The following AHCYL2 variants were observed in gnomAD, a reference collection of about 807,000 sequenced individuals.
AHCYL2 encodes the protein adenosylhomocysteinase like 2.
A neutral mutation model predicts 81.4 loss-of-function variants in AHCYL2; 28 were observed. That is an observed-to-expected ratio of 0.34 (90% CI 0.25 to 0.47). The LOEUF is 0.47. AHCYL2 is among the 20% of genes least tolerant of loss of function. AHCYL2 has a pLI of 1.00. For missense variants in AHCYL2, 551 were observed against 785.1 expected, an observed-to-expected ratio of 0.70 and a Z score of 3.56; for synonymous variants, 272 against 290.2, an observed-to-expected ratio of 0.94 and a Z score of 0.64.
At chr7:129,277,424 C>T (rs928496272) in intron 1 of AHCYL2, among the ~76,000 whole-genome samples, 1 of 151,918 alleles carries the variant, frequency 6.6e-6, no homozygotes, top group Non-Finnish European at 1.5e-5. Flanking sequence ...ATTACAGGTG[C>T]GCACCACCAC....
intron 2 of AHCYL2, among the ~76,000 whole-genome samples, chr7:129,387,555 T>C (rs1489188835): frequency 6.6e-6 from 1 of 152,274 alleles, no homozygotes; most frequent in Non-Finnish European, 1.5e-5. Context: ...TCTTCAAAAG[T>C]AATTTTCCAT....
Position 129,368,353 on chromosome 7 carries a change from A to G in AHCYL2, c.364-11285A>G. On this transcript the variant is annotated intron_variant, in intron 1 of 16. Transcript: ENST00000325006. This position sits in a 1 kb window ranked among gnomAD's most constrained non-coding sequence, Gnocchi z 4.4. Reference sequence around the variant, plus strand: ...TGATTTGAATCGGAGGCTGCTGTGAAAAGGGATGCAGCTTCTGCTAGCCAC... The same window carrying G: ...TGATTTGAATCGGAGGCTGCTGTGAGAAGGGATGCAGCTTCTGCTAGCCAC... 2 of 1,483,408 alleles carry G rather than the reference A, an allele frequency of 1.3e-6. No homozygotes were observed. Among genetic ancestry groups the G allele is most frequent in the Non-Finnish European group, 1.8e-6 (2 of 1,116,622 alleles). 91.9% of individuals were successfully genotyped at this position (1,483,408 alleles called of 1,614,324 possible).
At chr7:129,397,499 T>G (rs1795802222) in intron 5 of AHCYL2, among the ~76,000 whole-genome samples, 175 bp downstream of exon 5, 1 of 152,260 alleles carries the variant, frequency 6.6e-6, no homozygotes, top group African/African-American at 2.4e-5. Context: ...AAATATGATC[T>G]AGTTAACTTT....
chr7:129,324,958 T>C (rs1442790818), intron 1 of AHCYL2, among the ~76,000 whole-genome samples: 1 of 152,240 alleles, frequency 6.6e-6, no homozygotes, highest in East Asian at 1.9e-4. Flanking sequence ...CTTATGATAG[T>C]GTACTTCCAT....
intron 2 of AHCYL2, among the ~76,000 whole-genome samples, chr7:129,382,805 C>A (rs971461156): frequency 1.3e-5 from 2 of 152,002 alleles, no homozygotes; most frequent in African/African-American, 4.8e-5. Flanking sequence ...ACTCGGGAGG[C>A]TGAGGCAGGA....
chr7:129,390,300 A>T (rs190737996), intron 4 of AHCYL2, among the ~76,000 whole-genome samples: 84 of 152,368 alleles, frequency 5.5e-4, no homozygotes, highest in African/African-American at 1.9e-3. Context: ...ATGCTTTAAA[A>T]TATACAGAAG....
intron 1 of AHCYL2, among the ~76,000 whole-genome samples, chr7:129,364,776 A>C (rs1288748795): frequency 1.3e-5 from 2 of 152,198 alleles, no homozygotes; most frequent in African/African-American, 4.8e-5. Flanking sequence ...AATGGATTAC[A>C]ATGGGTGCAG....
Position 129,426,464 on chromosome 7 carries a change from A to C in AHCYL2, c.1730A>C (p.His577Pro), listed in dbSNP as rs1271551382. 1.2e-6 allele frequency: 2 copies of C among 1,614,132 alleles called. No homozygotes were observed. ...KKMDEYVASL[H>P]LPTFDAHLTE... ...CCAGATGAGTATGTGGCCAGCCTAC[A>C]CCTGCCTACCTTTGATGCCCACTTG... Residue 577 changes from histidine to proline, a missense_variant, in exon 16 of 17, where the codon CAC becomes CCC. Coordinates refer to ENST00000325006, the MANE Select transcript of AHCYL2 (RefSeq NM_015328.4). This position sits in a 1 kb window ranked among gnomAD's most constrained non-coding sequence, Gnocchi z 4.3.
At chr7:129,342,241 G>A (rs1793211081) in intron 1 of AHCYL2, among the ~76,000 whole-genome samples, 1 of 152,150 alleles carries the variant, frequency 6.6e-6, no homozygotes, top group African/African-American at 2.4e-5. Flanking sequence ...GAGAGCACCA[G>A]AAACCCAAGT....
intron 1 of AHCYL2, among the ~76,000 whole-genome samples, chr7:129,317,709 CAT>C (rs973137277): frequency 4.1e-4 from 63 of 152,266 alleles, no homozygotes; most frequent in African/African-American, 1.5e-3. Context: ...AACTGTGGTC[CAT>C]ACAATAGGTT....
intron 1 of AHCYL2, among the ~76,000 whole-genome samples, chr7:129,272,766 T>C (rs555202315): frequency 5.3e-5 from 8 of 152,234 alleles, no homozygotes; most frequent in African/African-American, 1.9e-4. Context: ...AAGGTACAAA[T>C]TGATAAATGA....
At chr7:129,244,458 T>C (rs1320163238) in intron 1 of AHCYL2, among the ~76,000 whole-genome samples, 3 of 152,312 alleles carry the variant, frequency 2.0e-5, no homozygotes, top group African/African-American at 7.2e-5. Context: ...TTATAAACAA[T>C]GGAACTTGCT....
At position 129,239,333 on chromosome 7, in the gene AHCYL2, T is replaced by C. The variant is rs529276982; in HGVS notation, c.363+13894T>C. On this transcript the variant is annotated intron_variant, in intron 1 of 16. Coordinates refer to ENST00000325006, the MANE Select transcript of AHCYL2 (RefSeq NM_015328.4). ...ACAATATCAGGTAACTCTGGCTCTGTACTAGCATATATCTGTCAGAACCTC... is the reference window on the plus strand; with the variant it reads ...ACAATATCAGGTAACTCTGGCTCTGCACTAGCATATATCTGTCAGAACCTC... Among the ~76,000 whole-genome samples, 3 of 152,344 alleles carry C rather than the reference T, an allele frequency of 2.0e-5. No individual in the cohort carries two copies. In the East Asian group the frequency reaches 5.8e-4, roughly 29 times the overall value.
At chr7:129,268,052 T>C (rs1026600630) in intron 1 of AHCYL2, among the ~76,000 whole-genome samples, 2 of 152,328 alleles carry the variant, frequency 1.3e-5, no homozygotes, top group South Asian at 4.1e-4. Flanking sequence ...ACTTGCTATT[T>C]TAGTTCACTC....
chr7:129,398,184 A>T (rs1203168110), intron 5 of AHCYL2, among the ~76,000 whole-genome samples: 1 of 150,876 alleles, frequency 6.6e-6, no homozygotes, highest in African/African-American at 2.4e-5. Context: ...AATTTAAAAA[A>T]AATGTTTGAA....
chr7:129,342,176 T>C (rs913766956), intron 1 of AHCYL2, among the ~76,000 whole-genome samples: 8 of 152,148 alleles, frequency 5.3e-5, no homozygotes, highest in African/African-American at 1.9e-4. Context: ...GGGACACCAG[T>C]GTTGAAGTAT....
chr7:129,394,073 T>C (rs13230002), intron 4 of AHCYL2, among the ~76,000 whole-genome samples: 2 of 152,112 alleles, frequency 1.3e-5, no homozygotes, highest in African/African-American at 4.8e-5. Context: ...GGTACAATCA[T>C]TGCAGGCTCA....
intron 1 of AHCYL2, among the ~76,000 whole-genome samples, chr7:129,291,245 A>G (rs543590251): frequency 6.6e-6 from 1 of 152,294 alleles, no homozygotes. Flanking sequence ...GCAGGGAAGT[A>G]AAACAAAACT....
chr7:129,424,398 T>TA (rs2150969726), intron 13 of AHCYL2, among the ~76,000 whole-genome samples: 1 of 151,770 alleles, frequency 6.6e-6, no homozygotes, highest in African/African-American at 2.4e-5. Flanking sequence ...AGACTCCATC[T>TA]AATCAATCAA....
Sources: allele counts gnomAD v4.1 joint callset (sites outside exome capture counted in the v4.1 genomes callset), GRCh38; gene constraint gnomAD v4.1.1; non-coding constraint Gnocchi (gnomAD v3.1); transcripts MANE v1.5; gene names NCBI Gene and HGNC (gene_info 2026-07-23, HGNC 2026-07-21).